WASHC3: variants seen among roughly 807,000 people sequenced by gnomAD.
The protein encoded by WASHC3 is WASH complex subunit 3.
A neutral mutation model predicts 26.1 loss-of-function variants in WASHC3; 24 were observed. The ratio of observed to expected loss-of-function variants is 0.92; its 90% CI spans 0.66 to 1.29. The LOEUF is 1.29. Ranked by LOEUF, WASHC3 falls within the 50% of genes most tolerant of loss-of-function variation. The pLI is 0.00. For missense variants in WASHC3, 214 were observed against 229.6 expected (o/e 0.93, Z 0.44); for synonymous variants, 77 against 75.7 (o/e 1.02, Z -0.09).
intron 2 of WASHC3, among the ~76,000 whole-genome samples, chr12:102,057,687 G>A (rs1429475823): frequency 6.6e-6 from 1 of 151,592 alleles, no homozygotes; most frequent in African/African-American, 2.4e-5. Flanking sequence ...AAAATACATA[G>A]GGGTAAATTT....
chr12:102,016,926 A>T (rs1423254341), intron 6 of WASHC3, among the ~76,000 whole-genome samples: 1 of 152,212 alleles, frequency 6.6e-6, no homozygotes, highest in South Asian at 2.1e-4. Context: ...AAAAATTTTT[A>T]AAAATAAATT....
chr12:102,056,993 T>C (rs1409318476), intron 2 of WASHC3, among the ~76,000 whole-genome samples: 1 of 152,004 alleles, frequency 6.6e-6, no homozygotes, highest in Non-Finnish European at 1.5e-5. Flanking sequence ...ATATCCCCAG[T>C]GAACATAGAA....
intron 4 of WASHC3, chr12:102,043,863 A>C (rs1471951636): frequency 9.4e-6 from 2 of 212,770 alleles, no homozygotes; most frequent in African/African-American, 4.6e-5. Context: ...TAATTATTTG[A>C]AGCTTTTTCC....
At chr12:102,039,307 C>A (rs73382852) in intron 5 of WASHC3, among the ~76,000 whole-genome samples, 178 of 151,724 alleles carry the variant, frequency 1.2e-3, no homozygotes, top group African/African-American at 3.9e-3. Context: ...AAATGATGGA[C>A]AACTACCTCT....
intron 2 of WASHC3, among the ~76,000 whole-genome samples, chr12:102,054,461 T>C (rs1196535614): frequency 2.0e-5 from 3 of 152,212 alleles, no homozygotes; most frequent in Admixed American, 6.5e-5. Context: ...GAGGATCCCC[T>C]GAACTCAGGA....
chr12:102,035,062 A>C (rs1180054854), intron 5 of WASHC3, among the ~76,000 whole-genome samples: 1 of 152,096 alleles, frequency 6.6e-6, no homozygotes, highest in East Asian at 1.9e-4. Context: ...CAGATGGGGC[A>C]TACTTTTTAG....
chr12:102,025,645 CA>C (rs137985221), intron 6 of WASHC3, among the ~76,000 whole-genome samples: 12 of 49,838 alleles, frequency 2.4e-4, no homozygotes, highest in African/African-American at 7.8e-4. Context: ...AACAAATAAA[CA>C]AAAAAACAAT....
intron 1 of WASHC3, 124 bp downstream of exon 1, chr12:102,061,788 C>A (rs1391328077): frequency 2.6e-6 from 2 of 755,464 alleles, no homozygotes; most frequent in African/African-American, 1.8e-5. Context: ...GCCCCACAGG[C>A]CTGTCACAAG....
chr12:102,056,394 A>C (rs1389387150), intron 2 of WASHC3, among the ~76,000 whole-genome samples: 1 of 152,240 alleles, frequency 6.6e-6, no homozygotes, highest in Non-Finnish European at 1.5e-5. Context: ...CCCTTTTGAC[A>C]GAAAACAGAA....
At chr12:102,033,745 T>G (rs1877534616) in intron 5 of WASHC3, among the ~76,000 whole-genome samples, 2 of 144,982 alleles carry the variant, frequency 1.4e-5, no homozygotes, top group African/African-American at 2.5e-5. Context: ...TCAGAAAGAG[T>G]TTTTTTTTTT....
intron 2 of WASHC3, among the ~76,000 whole-genome samples, chr12:102,054,811 C>A (rs1227876195): frequency 6.6e-6 from 1 of 151,626 alleles, no homozygotes; most frequent in African/African-American, 2.4e-5. Flanking sequence ...TCCTAAACAA[C>A]CAATAGGTCA....
chr12:102,024,457 ACAT>A (rs766894793), intron 6 of WASHC3, among the ~76,000 whole-genome samples: 18 of 152,208 alleles, frequency 1.2e-4, no homozygotes, highest in Non-Finnish European at 2.5e-4. Flanking sequence ...AAAAATGAGA[ACAT>A]CATAGTGATT....
At chr12:102,044,848 G>A (rs1436226970) in intron 3 of WASHC3, among the ~76,000 whole-genome samples, 1 of 152,098 alleles carries the variant, frequency 6.6e-6, no homozygotes, top group African/African-American at 2.4e-5. Flanking sequence ...AAATAGTTAA[G>A]CATTTCAGGT....
intron 2 of WASHC3, among the ~76,000 whole-genome samples, chr12:102,058,234 C>T (rs1878668402): frequency 6.6e-6 from 1 of 152,198 alleles, no homozygotes; most frequent in East Asian, 1.9e-4. Flanking sequence ...ATTAGACCCT[C>T]ATCCTTTACC....
Position 102,060,956 on chromosome 12 carries a change from CAAAAAAAAAA to C in WASHC3, c.150+282_150+291del, listed in dbSNP as rs56001519. On this transcript the variant is annotated intron_variant, in intron 2 of 6. Coordinates refer to ENST00000240079, the MANE Select transcript of WASHC3 (RefSeq NM_016053.4). ...GGTGACAGAGTGAGACCCTGTCTCA[CAAAAAAAAAA>C]AAAAAAAAAAAAAAAATTAGATTTC... 5.3e-3 allele frequency among the ~76,000 whole-genome samples: 293 copies of C among 55,638 alleles called. 3 individuals are homozygous for C. The highest frequency in any genetic ancestry group is 0.019 in the African/African-American group (282 of 14,744). The allele number at this position is 55,638 out of a possible 152,430, so 36.5% of individuals were successfully genotyped here.
intron 5 of WASHC3, among the ~76,000 whole-genome samples, chr12:102,029,514 A>G (rs936138012): frequency 4.6e-5 from 7 of 152,238 alleles, no homozygotes; most frequent in African/African-American, 1.4e-4. Context: ...TTGGAGGTTT[A>G]TAGTCCTGCC....
intron 6 of WASHC3, chr12:102,019,375 C>G: frequency 2.5e-6 from 1 of 392,378 alleles, no homozygotes; most frequent in Non-Finnish European, 5.0e-6. Context: ...CTTCACCCTA[C>G]AAGTTGTTTT....
intron 2 of WASHC3, chr12:102,050,747 C>T (rs954847580): frequency 2.5e-5 from 9 of 362,060 alleles, no homozygotes; most frequent in Non-Finnish European, 2.7e-5. Context: ...TTAAAATTCA[C>T]TATAAGGTTA....
At chr12:102,036,452 C>T (rs1307986056) in intron 5 of WASHC3, among the ~76,000 whole-genome samples, 1 of 150,654 alleles carries the variant, frequency 6.6e-6, no homozygotes, top group Non-Finnish European at 1.5e-5. Context: ...CAGGTTGGCA[C>T]AATAAACTAA....
Sources: gnomAD v4.1 joint callset for allele counts (sites outside exome capture counted in the v4.1 genomes callset) on GRCh38, gnomAD v4.1.1 for gene constraint, MANE v1.5 for transcripts, NCBI Gene and HGNC (gene_info 2026-07-23, HGNC 2026-07-21) for gene names.